The following GRM7 variants were observed in gnomAD, a reference collection of about 807,000 sequenced individuals.
GRM7 encodes the protein glutamate metabotropic receptor 7.
In GRM7, 35 loss-of-function variants were observed where a neutral mutation model predicts 84.5. The ratio of observed to expected loss-of-function variants is 0.41; its 90% CI spans 0.32 to 0.55. The LOEUF (loss-of-function observed/expected upper bound fraction) is 0.55. Ranked by LOEUF, GRM7 falls within the 20% of genes least tolerant of loss-of-function variation. The probability of loss-of-function intolerance (pLI) is 0.19; values close to 1 mark genes in which losing one functional copy is unlikely to be tolerated. For missense variants in GRM7, 1,003 were observed against 1,194.6 expected (o/e 0.84, Z 2.36); for synonymous variants, 487 against 455.1 (o/e 1.07, Z -0.89).
intron 5 of GRM7, among the ~76,000 whole-genome samples, chr3:7,427,725 C>T (rs1257475226): frequency 1.3e-5 from 2 of 152,070 alleles, no homozygotes; most frequent in African/African-American, 4.8e-5. Context: ...GGTAAAACCC[C>T]AATTGATCTT....
chr3:7,143,733 G>C (rs1694022866), intron 1 of GRM7, among the ~76,000 whole-genome samples: 1 of 152,082 alleles, frequency 6.6e-6, no homozygotes, highest in African/African-American at 2.4e-5. Context: ...ATCTTTATTA[G>C]CACCCTTTCA....
At position 7,720,440 on chromosome 3, in the gene GRM7, G is replaced by A. The variant is rs143340490; in HGVS notation, c.2699-19917G>A. On this transcript the variant is annotated intron_variant, in intron 9 of 9. Coordinates refer to ENST00000357716, the MANE Select transcript of GRM7 (RefSeq NM_000844.4). ...AAATCCTGCATTTATGTTTCAAAGC[G>A]TGTCCTGCACTGGTCCCCTCAGGAA... 2.8e-3 allele frequency among the ~76,000 whole-genome samples: 427 copies of A among 152,154 alleles called. 3 individuals carry two copies. The highest frequency in any genetic ancestry group is 9.5e-3 in the African/African-American group (396 of 41,510).
At chr3:7,241,789 G>A (rs1009788313) in intron 2 of GRM7, among the ~76,000 whole-genome samples, 3 of 152,068 alleles carry the variant, frequency 2.0e-5, no homozygotes, top group Non-Finnish European at 4.4e-5. Context: ...GCTTTCCAGG[G>A]CACATCTCCA....
At chr3:7,019,980 G>C (rs1241061094) in intron 1 of GRM7, among the ~76,000 whole-genome samples, 1 of 152,124 alleles carries the variant, frequency 6.6e-6, no homozygotes, top group East Asian at 1.9e-4. Context: ...AATAAAACCT[G>C]TTCATCAAGC....
At chr3:7,311,881 C>T (rs1383118229) in intron 4 of GRM7, among the ~76,000 whole-genome samples, 1 of 152,156 alleles carries the variant, frequency 6.6e-6, no homozygotes, top group African/African-American at 2.4e-5. Flanking sequence ...AGGCATAAGC[C>T]ACTGCACCCG....
intron 5 of GRM7, among the ~76,000 whole-genome samples, chr3:7,439,099 T>C (rs564542819): frequency 4.6e-5 from 7 of 152,220 alleles, no homozygotes; most frequent in Admixed American, 2.6e-4. Flanking sequence ...AAGGAAAATA[T>C]GGATCCCAAA....
intron 7 of GRM7, among the ~76,000 whole-genome samples, chr3:7,474,802 A>G (rs1348308763): frequency 6.6e-6 from 1 of 152,170 alleles, no homozygotes; most frequent in Non-Finnish European, 1.5e-5. Context: ...ATGTTTCGGG[A>G]AGATTTTACA....
intron 1 of GRM7, among the ~76,000 whole-genome samples, chr3:7,101,407 T>G (rs532093531): frequency 6.6e-5 from 10 of 151,896 alleles, no homozygotes; most frequent in African/African-American, 2.2e-4. Context: ...AATATATTGC[T>G]ACCAGCTTTC....
intron 7 of GRM7, chr3:7,519,962 T>C (rs1405231511): frequency 6.6e-6 from 1 of 152,240 alleles, no homozygotes; most frequent in African/African-American, 2.4e-5. Flanking sequence ...TCTATCAGTC[T>C]AGGCTGGTTC....
At chr3:7,099,481 G>C (rs1240828471) in intron 1 of GRM7, among the ~76,000 whole-genome samples, 1 of 144,418 alleles carries the variant, frequency 6.9e-6, no homozygotes, top group Non-Finnish European at 1.5e-5. Context: ...ACACATATAT[G>C]TATATGTACA....
intron 2 of GRM7, among the ~76,000 whole-genome samples, chr3:7,172,110 T>C (rs115658190): frequency 6.6e-6 from 1 of 152,166 alleles, no homozygotes; most frequent in Non-Finnish European, 1.5e-5. Flanking sequence ...CACGGGATTT[T>C]CAAAATAATA....
intron 1 of GRM7, among the ~76,000 whole-genome samples, chr3:7,090,133 G>A (rs534560507): frequency 1.9e-3 from 293 of 152,226 alleles, no homozygotes; most frequent in Admixed American, 9.4e-3. Flanking sequence ...ATGAGCCACC[G>A]TGCCCAGCCT....
chr3:7,516,122 C>A (rs1700367539), intron 7 of GRM7, among the ~76,000 whole-genome samples: 1 of 144,328 alleles, frequency 6.9e-6, no homozygotes, highest in African/African-American at 2.6e-5. Context: ...TGTGATCACA[C>A]CACTGCACTC....
Position 7,643,900 on chromosome 3 carries a change from A to T in GRM7, c.2452-36149A>T, listed in dbSNP as rs576696303. ...TTAACATGTCTTTTGTATGTGAGATATGAATAATGGTTATCTAAGGGGCTG... is the reference window on the plus strand; with the variant it reads ...TTAACATGTCTTTTGTATGTGAGATTTGAATAATGGTTATCTAAGGGGCTG... On this transcript the variant is annotated intron_variant, in intron 8 of 9. Coordinates refer to ENST00000357716, the MANE Select transcript of GRM7 (RefSeq NM_000844.4). Among the ~76,000 whole-genome samples, 7 of 152,182 alleles carry T rather than the reference A, an allele frequency of 4.6e-5. No homozygotes were observed. The South Asian group carries it at 1.5e-3, about 32-fold the overall frequency.
At chr3:7,523,994 C>G (rs1391123154) in intron 7 of GRM7, among the ~76,000 whole-genome samples, 1 of 152,148 alleles carries the variant, frequency 6.6e-6, no homozygotes, top group Non-Finnish European at 1.5e-5. Context: ...AGCCCCTCTT[C>G]TATCTTGCTC....
intron 1 of GRM7, among the ~76,000 whole-genome samples, chr3:6,997,843 A>C (rs1694875744): frequency 6.6e-6 from 1 of 151,996 alleles, no homozygotes. Context: ...AACCAAAAGC[A>C]AGTTAGGGCC....
chr3:6,861,361 C>G lies in GRM7; in HGVS notation c.-28C>G. 6.7e-7 allele frequency: 1 copy of G among 1,484,440 alleles called. No homozygotes were observed. Among genetic ancestry groups the G allele is most frequent in the African/African-American group, 1.4e-5 (1 of 69,424 alleles). 92.0% of individuals were successfully genotyped at this position (1,484,440 alleles called of 1,614,324 possible). On this transcript the variant is annotated 5_prime_UTR_variant, in exon 1 of 10. Coordinates refer to ENST00000357716, the MANE Select transcript of GRM7 (RefSeq NM_000844.4). The surrounding 1 kb of genome is among the most constrained non-coding windows in gnomAD (Gnocchi z 6.4). Reference sequence around the variant, plus strand: ...CCCACCACCGTTCCCTCCAGCGCCGCCGCCGCCACCGCAGCAGCCGGAGCA... The same window carrying G: ...CCCACCACCGTTCCCTCCAGCGCCGGCGCCGCCACCGCAGCAGCCGGAGCA...
chr3:7,709,091 C>CT (rs3838615), intron 9 of GRM7, among the ~76,000 whole-genome samples: 3 of 151,978 alleles, frequency 2.0e-5, no homozygotes, highest in Non-Finnish European at 4.4e-5. Context: ...AAAATCTCAA[C>CT]TTTTTTGTGG....
At chr3:7,417,441 A>T (rs1056301815) in intron 5 of GRM7, among the ~76,000 whole-genome samples, 1 of 152,150 alleles carries the variant, frequency 6.6e-6, no homozygotes, top group Non-Finnish European at 1.5e-5. Flanking sequence ...ATTCCAAAAA[A>T]TACTATTTAA....
Sources: allele counts gnomAD v4.1 joint callset (sites outside exome capture counted in the v4.1 genomes callset), GRCh38; gene constraint gnomAD v4.1.1; non-coding constraint Gnocchi (gnomAD v3.1); transcripts MANE v1.5; gene names NCBI Gene and HGNC (gene_info 2026-07-23, HGNC 2026-07-21).